Variants in CENPW observed in about 807,000 individuals in gnomAD.
CENPW encodes cancer-up-regulated gene 2 protein.
A neutral mutation model predicts 11.1 loss-of-function variants in CENPW; 3 were observed. That is an observed-to-expected ratio of 0.27 (90% CI 0.12 to 0.70). CENPW has a LOEUF of 0.70. CENPW is among the 30% of genes least tolerant of loss of function. CENPW has a pLI of 0.77. For synonymous variants in CENPW, 38 were observed against 42.0 expected (o/e 0.91, Z 0.37); for missense variants, 100 against 105.6 (o/e 0.95, Z 0.23).
the CENPW span, among the ~76,000 whole-genome samples, chr6:126,466,842 C>G: frequency 6.6e-6 from 1 of 152,022 alleles, no homozygotes; most frequent in East Asian, 1.9e-4. Context: ...TATAGACCAA[C>G]AAGAGCCAAA....
chr6:126,357,378 G>C, the CENPW span, among the ~76,000 whole-genome samples: 1 of 152,030 alleles, frequency 6.6e-6, no homozygotes, highest in African/African-American at 2.4e-5. Flanking sequence ...TTCCAGCTTT[G>C]TTCTTTTTGC....
At chr6:126,382,770 G>C in the CENPW span, among the ~76,000 whole-genome samples, 1 of 152,120 alleles carries the variant, frequency 6.6e-6, no homozygotes. Context: ...AAACCTCCAA[G>C]AAGTATGGGA....
At chr6:126,468,547 G>T in the CENPW span, among the ~76,000 whole-genome samples, 1 of 151,528 alleles carries the variant, frequency 6.6e-6, no homozygotes, top group African/African-American at 2.4e-5. Context: ...TAAATTATGG[G>T]TTTTAATTAG....
chr6:126,373,500 G>A, the CENPW span, among the ~76,000 whole-genome samples: 1 of 152,230 alleles, frequency 6.6e-6, no homozygotes, highest in African/African-American at 2.4e-5. Flanking sequence ...TACGACAGCA[G>A]CAAGTATTTC....
At chr6:126,341,295 A>G (rs1273787957) in intron 1 of CENPW, among the ~76,000 whole-genome samples, 2 of 152,200 alleles carry the variant, frequency 1.3e-5, no homozygotes, top group Non-Finnish European at 2.9e-5. Context: ...GCCATTATAA[A>G]TGGACACATA....
the CENPW span, among the ~76,000 whole-genome samples, chr6:126,382,090 C>G: frequency 6.6e-6 from 1 of 151,886 alleles, no homozygotes; most frequent in African/African-American, 2.4e-5. Context: ...AAAAACAAAA[C>G]AACAATAACA....
the CENPW span, among the ~76,000 whole-genome samples, chr6:126,475,465 T>C: frequency 2.0e-5 from 3 of 152,112 alleles, no homozygotes; most frequent in Non-Finnish European, 4.4e-5. Flanking sequence ...AATTTGTGAA[T>C]TGCAGTTCAT....
At chr6:126,414,157 A>G in the CENPW span, among the ~76,000 whole-genome samples, 3 of 152,060 alleles carry the variant, frequency 2.0e-5, no homozygotes, top group African/African-American at 7.2e-5. Context: ...ACCAGAACAC[A>G]TGGATATATA....
chr6:126,437,299 T>G, the CENPW span, among the ~76,000 whole-genome samples: 1 of 151,940 alleles, frequency 6.6e-6, no homozygotes, highest in African/African-American at 2.4e-5. Context: ...TTCTCAAAAT[T>G]AATCTTTCCA....
chr6:126,367,386 A>G, the CENPW span, among the ~76,000 whole-genome samples: 1 of 152,306 alleles, frequency 6.6e-6, no homozygotes, highest in East Asian at 1.9e-4. Context: ...GTAATCACAG[A>G]GATGCAATGT....
At chr6:126,396,424 T>A in the CENPW span, among the ~76,000 whole-genome samples, 3 of 152,100 alleles carry the variant, frequency 2.0e-5, no homozygotes, top group Non-Finnish European at 4.4e-5. Flanking sequence ...ATGCTGCTAG[T>A]CCTGAAACTC....
At chr6:126,442,455 C>T in the CENPW span, among the ~76,000 whole-genome samples, 1 of 151,366 alleles carries the variant, frequency 6.6e-6, no homozygotes, top group Non-Finnish European at 1.5e-5. Context: ...AGAAAATCTT[C>T]ACAATCTATA....
At chr6:126,342,592 A>C (rs1279473430) in intron 1 of CENPW, among the ~76,000 whole-genome samples, 1 of 151,786 alleles carries the variant, frequency 6.6e-6, no homozygotes, top group Non-Finnish European at 1.5e-5. Context: ...AGATGTCTTC[A>C]CTCTACTTGG....
the CENPW span, among the ~76,000 whole-genome samples, chr6:126,465,566 G>A: frequency 6.6e-6 from 1 of 151,802 alleles, no homozygotes; most frequent in South Asian, 2.1e-4. Context: ...ATCTAAAATA[G>A]CCAAAATAAC....
the CENPW span, among the ~76,000 whole-genome samples, chr6:126,406,144 T>A: frequency 6.6e-6 from 1 of 152,168 alleles, no homozygotes; most frequent in Admixed American, 6.6e-5. Context: ...ACATAACTTG[T>A]TGAGTGTTTT....
chr6:126,469,614 G>T, the CENPW span, among the ~76,000 whole-genome samples: 2 of 152,182 alleles, frequency 1.3e-5, no homozygotes, highest in African/African-American at 4.8e-5. Flanking sequence ...AAGACAAGAA[G>T]ATGTGGGAAG....
At chr6:126,384,595 C>A in the CENPW span, among the ~76,000 whole-genome samples, 2 of 151,994 alleles carry the variant, frequency 1.3e-5, no homozygotes, top group Non-Finnish European at 2.9e-5. Flanking sequence ...GAAACTGGAC[C>A]CCTTTGTTAC....
chr6:126,475,362 TTTA>T, the CENPW span, among the ~76,000 whole-genome samples: 2 of 152,022 alleles, frequency 1.3e-5, no homozygotes, highest in Admixed American at 1.3e-4. Context: ...ATTTCATGAC[TTTA>T]TCAAAACATC....
At chr6:126,369,764 C>T in the CENPW span, among the ~76,000 whole-genome samples, 13 of 152,282 alleles carry the variant, frequency 8.5e-5, no homozygotes, top group East Asian at 2.3e-3. Flanking sequence ...TTTTGCTGTG[C>T]AGAAGTTTTT....
Sources: allele counts gnomAD v4.1 joint callset (sites outside exome capture counted in the v4.1 genomes callset), GRCh38; gene constraint gnomAD v4.1.1; transcripts MANE v1.5; gene names NCBI Gene and HGNC (gene_info 2026-07-23, HGNC 2026-07-21).